The following SOAT1 variants were observed in gnomAD, a reference collection of about 807,000 sequenced individuals.
SOAT1 encodes the protein acyl-coenzyme A:cholesterol acyltransferase 1.
SOAT1 carries 55 observed loss-of-function variants against 69.5 expected under a neutral mutation model. That is an observed-to-expected ratio of 0.79 (90% CI 0.64 to 0.99). The LOEUF (loss-of-function observed/expected upper bound fraction) is 0.99. Among genes scored for constraint, SOAT1 ranks in the 50% least tolerant of loss-of-function variants. The probability of loss-of-function intolerance (pLI) is 0.00; values close to 1 mark genes in which losing one functional copy is unlikely to be tolerated. For synonymous variants in SOAT1, 231 were observed against 224.7 expected, an observed-to-expected ratio of 1.03 and a Z score of -0.25; for missense variants, 580 against 669.3, an observed-to-expected ratio of 0.87 and a Z score of 1.47.
intron 3 of SOAT1, among the ~76,000 whole-genome samples, chr1:179,327,006 G>A (rs1296609145): frequency 6.6e-6 from 1 of 152,234 alleles, no homozygotes; most frequent in Non-Finnish European, 1.5e-5. Flanking sequence ...AGATGAGCCA[G>A]TAGGAGAAGG....
Position 179,300,174 on chromosome 1 carries a change from G to GA in SOAT1, c.-8-2492dup, listed in dbSNP as rs768266178. Among the ~76,000 whole-genome samples the GA allele has an allele frequency of 1.0e-3, 149 of 147,124 alleles. 1 individual carries two copies. Among genetic ancestry groups the GA allele is most frequent in the African/African-American group, 2.5e-3 (100 of 40,238 alleles). On this transcript the variant is annotated intron_variant, in intron 1 of 15. Transcript: ENST00000367619. Reference sequence around the variant, plus strand: ...AAAAAAGTCTCTGTTCATCTGGCCAGAAAAAAAAAAATTCCCATTATTCCT... The same window carrying GA: ...AAAAAAGTCTCTGTTCATCTGGCCAGAAAAAAAAAAAATTCCCATTATTCCT...
intron 15 of SOAT1, 111 bp downstream of exon 15, chr1:179,351,573 TAAAG>T: frequency 1.0e-5 from 10 of 965,864 alleles, no homozygotes; most frequent in East Asian, 2.4e-5. Context: ...GAATTAGTGT[TAAAG>T]AGAGGGAAAT....
rs1664876479 is a variant in SOAT1 at position 179,302,775 on chromosome 1, A to G, written c.91A>G (p.Lys31Glu). Reference protein sequence around the residue: ...EEDEDQRNPAKESLETPSNGR... With the variant: ...EEDEDQRNPAEESLETPSNGR... ...AGATGAAGACCAGAGAAACCCTGCA[A>G]AGGAGTCCCTAGAGACACCTAGTAA... Residue 31 changes from lysine (K) to glutamate (E), a missense_variant, in exon 2 of 16, where the codon AAG becomes GAG. Lys to Glu is a moderately conservative substitution (Grantham distance 56, BLOSUM62 1). Coordinates refer to ENST00000367619, the MANE Select transcript of SOAT1 (RefSeq NM_003101.6). The G allele has an allele frequency of 6.3e-7, 1 of 1,599,812 alleles. No homozygotes were observed. The highest frequency in any genetic ancestry group is 8.5e-7 in the Non-Finnish European group (1 of 1,176,198).
At chr1:179,297,033 T>C (rs1664673383) in intron 1 of SOAT1, among the ~76,000 whole-genome samples, 1 of 152,228 alleles carries the variant, frequency 6.6e-6, no homozygotes. Context: ...AGCTTTATGT[T>C]ACCTGTGACT....
intron 3 of SOAT1, among the ~76,000 whole-genome samples, chr1:179,326,596 C>T (rs916469489): frequency 5.2e-5 from 7 of 135,324 alleles, no homozygotes; most frequent in Admixed American, 7.8e-5. Context: ...TTCACTGTGT[C>T]GCCCAGGCTG....
At chr1:179,296,691 A>G (rs1242239742) in intron 1 of SOAT1, among the ~76,000 whole-genome samples, 2 of 152,184 alleles carry the variant, frequency 1.3e-5, no homozygotes, top group Admixed American at 1.3e-4. Context: ...TTCTATCCAC[A>G]GTTGTGTCCC....
intron 5 of SOAT1, among the ~76,000 whole-genome samples, 198 bp downstream of exon 5, chr1:179,338,094 G>T (rs975410286): frequency 1.3e-5 from 2 of 152,096 alleles, no homozygotes; most frequent in African/African-American, 2.4e-5. Flanking sequence ...TTAGGGATAA[G>T]AATGGTTATC....
chr1:179,327,524 C>T (rs772322314), intron 3 of SOAT1, among the ~76,000 whole-genome samples: 1 of 152,202 alleles, frequency 6.6e-6, no homozygotes, highest in African/African-American at 2.4e-5. Context: ...CTCCACAGAG[C>T]TAGAGTTGTC....
chr1:179,341,168 G>A lies in SOAT1; in HGVS notation c.638G>A (p.Ser213Asn). The stretch of plus-strand genomic sequence containing the variant: ...CATTGGGCCACTGGCTATAGCAAGA[G>A]TTCTCATCCGCTGATCCGTTCTCTC... ...FQHWATGYSK[S>N]SHPLIRSLFH... Residue 213 changes from serine (S) to asparagine (N), a missense_variant, in exon 7 of 16, where the codon AGT (serine) becomes AAT (asparagine). Ser to Asn is a conservative substitution (Grantham distance 46). Coordinates refer to ENST00000367619, the MANE Select transcript of SOAT1 (RefSeq NM_003101.6). The A allele has an allele frequency of 6.2e-7, 1 of 1,614,114 alleles. No individual in the cohort carries two copies. The highest frequency in any genetic ancestry group is 8.5e-7 in the Non-Finnish European group (1 of 1,180,026).
intron 2 of SOAT1, among the ~76,000 whole-genome samples, chr1:179,322,764 C>T (rs556738959): frequency 6.6e-6 from 1 of 152,318 alleles, no homozygotes; most frequent in South Asian, 2.1e-4. Flanking sequence ...TGCACAGCAT[C>T]AAGTAGAGAC....
intron 10 of SOAT1, 109 bp downstream of exon 10, chr1:179,343,744 T>C: frequency 2.6e-6 from 2 of 781,484 alleles, no homozygotes; most frequent in Non-Finnish European, 4.2e-6. Flanking sequence ...ATGCTTTCTG[T>C]TGACATTATG....
chr1:179,305,072 C>G (rs1053631919), intron 2 of SOAT1, among the ~76,000 whole-genome samples: 7 of 150,826 alleles, frequency 4.6e-5, no homozygotes, highest in African/African-American at 2.4e-5. Context: ...AATTTCAAAA[C>G]ATTTTTATCA....
At chr1:179,353,558 T>C in intron 15 of SOAT1, 27 bp from the exon 16 acceptor site, 1 of 1,602,876 alleles carries the variant, frequency 6.2e-7, no homozygotes, top group Non-Finnish European at 8.5e-7. Flanking sequence ...CAAATTATTT[T>C]TCCATTCTTA....
intron 5 of SOAT1, among the ~76,000 whole-genome samples, chr1:179,338,168 C>T (rs56294269): frequency 1.1e-3 from 172 of 152,206 alleles, no homozygotes; most frequent in Non-Finnish European, 1.8e-3. Context: ...ACAGGCAGAT[C>T]GCTTGAGTCC....
In SOAT1 at chr1:179,350,409, C is replaced by T. The variant is rs146106548; in HGVS notation, c.1428C>T (p.Phe476=). The part of the protein sequence containing the change: ...VCLSFFYPVL[F]VLFMFFGMAF... ...TGAGCTTTTTCTATCCCGTGCTCTT[C>T]GTGCTCTTCATGTTCTTTGGAAGTA... The change falls in exon 14 of 16, where the codon TTC becomes TTT. Residue 476 remains phenylalanine, a synonymous_variant. Coordinates refer to ENST00000367619, the MANE Select transcript of SOAT1 (RefSeq NM_003101.6). 8.4e-5 allele frequency: 135 copies of T among 1,613,980 alleles called. 1 individual carries two copies. Among genetic ancestry groups the T allele is most frequent in the Non-Finnish European group, 1.0e-4 (120 of 1,179,980 alleles).
chr1:179,299,745 C>CT lies in SOAT1; in HGVS notation c.-8-2906dup, dbSNP rs1162260815. On this transcript the variant is annotated intron_variant, in intron 1 of 15. Coordinates refer to ENST00000367619, the MANE Select transcript of SOAT1 (RefSeq NM_003101.6). ...ATTTATTTTTTAATCATTTTGCTAT[C>CT]TTTTTTTTTTTTTTTTTTTTTTTTT... Among the ~76,000 whole-genome samples, 120 of 69,538 alleles carry CT rather than the reference C, an allele frequency of 1.7e-3. 22 individuals are homozygous for CT. Among genetic ancestry groups the CT allele is most frequent in the African/African-American group, 5.1e-3 (89 of 17,528 alleles). The allele number at this position is 69,538 out of a possible 152,430, so 45.6% of individuals were successfully genotyped here. A position where few individuals can be genotyped will look rare whatever the true frequency, so the allele number is the denominator to read the frequency against.
intron 15 of SOAT1, among the ~76,000 whole-genome samples, chr1:179,351,908 T>C (rs1350675918): frequency 6.6e-6 from 1 of 151,574 alleles, no homozygotes; most frequent in African/African-American, 2.4e-5. Flanking sequence ...TTAGTAGAGA[T>C]GGGGTTTCAC....
intron 2 of SOAT1, among the ~76,000 whole-genome samples, chr1:179,306,649 G>A (rs1425881964): frequency 6.6e-6 from 1 of 151,904 alleles, no homozygotes; most frequent in Non-Finnish European, 1.5e-5. Flanking sequence ...TGGCTAACAC[G>A]GTGAAACCCC....
rs765233196 is a variant in SOAT1 at position 179,342,873 on chromosome 1, A to G, written c.871A>G (p.Ile291Val). 3.1e-6 allele frequency: 5 copies of G among 1,612,682 alleles called. No homozygotes were observed. The highest frequency in any genetic ancestry group is 3.4e-6 in the Non-Finnish European group (4 of 1,178,922). ...TTTTCCTTTTCTAGGCACTGTTCCA[A>G]TACCTACAGTCAACCAGTATTTGTA... Reference protein sequence around the residue: ...SAKEKSSTVPIPTVNQYLYFL... With the variant: ...SAKEKSSTVPVPTVNQYLYFL... Residue 291 changes from isoleucine (I) to valine (V), a missense_variant, in exon 9 of 16, where the codon ATA (isoleucine) becomes GTA (valine). Coordinates refer to ENST00000367619, the MANE Select transcript of SOAT1 (RefSeq NM_003101.6).
Sources: allele counts gnomAD v4.1 joint callset (sites outside exome capture counted in the v4.1 genomes callset), GRCh38; gene constraint gnomAD v4.1.1; transcripts MANE v1.5; gene names NCBI Gene and HGNC (gene_info 2026-07-23, HGNC 2026-07-21).